CDH12: variants seen among roughly 807,000 people sequenced by gnomAD.
The protein encoded by CDH12 is cadherin-12.
CDH12 carries 41 observed loss-of-function variants against 74.1 expected under a neutral mutation model. The observed-to-expected ratio is 0.55, with a 90% confidence interval of 0.43 to 0.72. CDH12 has a LOEUF of 0.72. Among genes scored for constraint, CDH12 ranks in the 30% least tolerant of loss-of-function variants. CDH12 has a pLI of 0.00. For synonymous variants in CDH12, 399 were observed against 355.0 expected (o/e 1.12, Z -1.39); for missense variants, 945 against 977.2 (o/e 0.97, Z 0.44).
At chr5:22,139,937 T>G (rs1001861095) in intron 4 of CDH12, among the ~76,000 whole-genome samples, 1 of 152,034 alleles carries the variant, frequency 6.6e-6, no homozygotes, top group African/African-American at 2.4e-5. Context: ...GGCACTTTCC[T>G]GCCAGTTCAT....
At chr5:22,055,141 A>G (rs1240428694) in intron 5 of CDH12, among the ~76,000 whole-genome samples, 1 of 152,206 alleles carries the variant, frequency 6.6e-6, no homozygotes, top group African/African-American at 2.4e-5. Context: ...GCCTTGGAAA[A>G]TTAGTAGAGT....
intron 4 of CDH12, among the ~76,000 whole-genome samples, chr5:22,107,211 C>A (rs892780321): frequency 6.6e-6 from 1 of 151,562 alleles, no homozygotes; most frequent in Non-Finnish European, 1.5e-5. Context: ...CGGCTCACTG[C>A]AATCTCTGCC....
intron 4 of CDH12, among the ~76,000 whole-genome samples, chr5:22,126,421 G>A (rs573614152): frequency 6.6e-6 from 1 of 152,186 alleles, no homozygotes; most frequent in South Asian, 2.1e-4. Flanking sequence ...CCTTTCTTCG[G>A]TTTGAGATAA....
rs1744345739 is a variant in CDH12 at position 21,755,633 on chromosome 5, C to A, written c.1843G>T (p.Gly615Trp). 3 of 1,613,840 alleles carry A rather than the reference C, an allele frequency of 1.9e-6. No homozygotes were observed. The highest frequency in any genetic ancestry group is 1.7e-6 in the Non-Finnish European group (2 of 1,179,884). Residue 615 changes from glycine to tryptophan, a missense_variant, in exon 14 of 15, where the codon GGG becomes TGG. Coordinates refer to ENST00000382254, the MANE Select transcript of CDH12 (RefSeq NM_004061.5). ...CATAGTAGAATTGCAATCAACGCCC[C>A]AGTGCTAAGTCCTACAGGTAGAAAA... ...AIFLPVGLST[G>W]ALIAILLCIV... is the part of the protein sequence containing the mutation.
chr5:21,789,627 C>T (rs1360005384), intron 10 of CDH12, among the ~76,000 whole-genome samples: 2 of 152,012 alleles, frequency 1.3e-5, no homozygotes, highest in Admixed American at 1.3e-4. Flanking sequence ...TTTTGAAAAT[C>T]CCATACTCTT....
At chr5:22,445,526 A>G (rs1299039175) in intron 2 of CDH12, among the ~76,000 whole-genome samples, 1 of 152,190 alleles carries the variant, frequency 6.6e-6, no homozygotes, top group Non-Finnish European at 1.5e-5. Flanking sequence ...TTGTCAGAAG[A>G]AAATTCACTT....
chr5:22,397,050 T>A (rs2126435750), intron 3 of CDH12, among the ~76,000 whole-genome samples: 1 of 152,212 alleles, frequency 6.6e-6, no homozygotes, highest in Admixed American at 6.6e-5. Context: ...TCAATATTCA[T>A]CCCTCTTTTC....
At chr5:22,271,870 C>T (rs1020261069) in intron 3 of CDH12, among the ~76,000 whole-genome samples, 2 of 151,980 alleles carry the variant, frequency 1.3e-5, no homozygotes, top group African/African-American at 4.8e-5. Flanking sequence ...ATCATGCTAT[C>T]ACTCAGATTT....
At chr5:22,507,699 T>A (rs1180857783) in intron 1 of CDH12, among the ~76,000 whole-genome samples, 3 of 152,234 alleles carry the variant, frequency 2.0e-5, no homozygotes, top group African/African-American at 7.2e-5. Flanking sequence ...TGTAATAACA[T>A]CTGTATCAGT....
At chr5:21,875,942 C>A (rs187429249) in intron 6 of CDH12, among the ~76,000 whole-genome samples, 1 of 139,752 alleles carries the variant, frequency 7.2e-6, no homozygotes, top group East Asian at 2.2e-4. Flanking sequence ...TCTCTCCATG[C>A]TGGAGTGCAG....
intron 1 of CDH12, among the ~76,000 whole-genome samples, chr5:22,630,536 C>A (rs534380239): frequency 6.6e-6 from 1 of 152,050 alleles, no homozygotes. Context: ...AAACAAGCAA[C>A]GGTGAAAGAA....
chr5:22,820,165 T>C (rs1178714482), intron 1 of CDH12, among the ~76,000 whole-genome samples: 2 of 151,196 alleles, frequency 1.3e-5, no homozygotes, highest in Non-Finnish European at 1.5e-5. Context: ...ACCAAAAAAT[T>C]AAAAATGAAA....
chr5:22,639,118 A>AAATTGCC (rs545369052), intron 1 of CDH12: 7 of 149,206 alleles, frequency 4.7e-5, no homozygotes, highest in African/African-American at 1.7e-4. Flanking sequence ...CGTTTTGGCT[A>AAATTGCC]AATTGCCAGT....
chr5:22,767,704 G>A (rs115559097), intron 1 of CDH12, among the ~76,000 whole-genome samples: 3,679 of 151,946 alleles, frequency 0.024, 70 homozygotes, highest in Middle Eastern at 0.041. Flanking sequence ...CACCTGCAGT[G>A]AGTAGTATTA....
At chr5:22,661,571 TTTTAAG>T (rs1219859519) in intron 1 of CDH12, among the ~76,000 whole-genome samples, 35 of 152,282 alleles carry the variant, frequency 2.3e-4, no homozygotes, top group African/African-American at 8.2e-4. Context: ...TAGATTTTGC[TTTTAAG>T]TTTCTTACCT....
chr5:21,764,838 T>C (rs1050405063), intron 12 of CDH12, 140 bp downstream of exon 12: 2 of 785,410 alleles, frequency 2.5e-6, no homozygotes, highest in Non-Finnish European at 2.1e-6. Flanking sequence ...AAGAGTTTAA[T>C]TAATCTTTTA....
At chr5:22,082,117 G>A (rs1742775403) in intron 4 of CDH12, among the ~76,000 whole-genome samples, 3 of 152,074 alleles carry the variant, frequency 2.0e-5, no homozygotes, top group Admixed American at 6.6e-5. Flanking sequence ...CCATATCATG[G>A]GACTGTAACT....
chr5:22,240,210 T>A (rs1057240418), intron 3 of CDH12, among the ~76,000 whole-genome samples: 2 of 152,238 alleles, frequency 1.3e-5, no homozygotes, highest in Non-Finnish European at 2.9e-5. Flanking sequence ...CTTATATAGT[T>A]ATTTGTAAAA....
chr5:21,790,585 T>G (rs914201772), intron 10 of CDH12, among the ~76,000 whole-genome samples: 1 of 152,094 alleles, frequency 6.6e-6, no homozygotes, highest in African/African-American at 2.4e-5. Context: ...CCAATATCTA[T>G]TCTCCTTATG....
Sources: allele counts gnomAD v4.1 joint callset (sites outside exome capture counted in the v4.1 genomes callset), GRCh38; gene constraint gnomAD v4.1.1; transcripts MANE v1.5; gene names NCBI Gene and HGNC (gene_info 2026-07-23, HGNC 2026-07-21).